The following FGF13 variants were observed in gnomAD, a reference collection of about 807,000 sequenced individuals.
The protein encoded by FGF13 is fibroblast growth factor 13, also known as fibroblast growth factor homologous factor 2.
FGF13 carries 2 observed loss-of-function variants against 19.5 expected under a neutral mutation model. The ratio of observed to expected loss-of-function variants is 0.10; its 90% CI spans 0.04 to 0.32. The LOEUF (loss-of-function observed/expected upper bound fraction) is 0.32, where lower values mean the gene tolerates loss of function less well. FGF13 is among the 10% of genes least tolerant of loss of function. The pLI is 1.00. For missense variants in FGF13, 113 were observed against 192.7 expected (o/e 0.59, Z 2.45); for synonymous variants, 72 against 76.9 (o/e 0.94, Z 0.33).
chrX:138,768,023 A>G (rs2090514680), intron 3 of FGF13, among the ~76,000 whole-genome samples: 1 of 111,932 alleles, frequency 8.9e-6, no homozygotes, highest in Admixed American at 9.5e-5. Flanking sequence ...CAGAAAAGAG[A>G]GCCCCGAAGG....
chrX:138,699,924 C>T (rs769077702), intron 3 of FGF13, among the ~76,000 whole-genome samples: 8 of 111,632 alleles, frequency 7.2e-5, no homozygotes, highest in African/African-American at 2.3e-4. Context: ...TGCTTTTTCC[C>T]GCTTTATTCA....
intron 1 of FGF13, among the ~76,000 whole-genome samples, chrX:139,065,481 C>CAAAAAAAAA (rs767805587): frequency 6.2e-4 from 19 of 30,733 alleles, no homozygotes; most frequent in African/African-American, 2.2e-3. Flanking sequence ...AAACGGAAAG[C>CAAAAAAAAA]AAAAAAAAAA....
intron 3 of FGF13, among the ~76,000 whole-genome samples, chrX:138,652,928 CA>C (rs1259454343): frequency 8.9e-6 from 1 of 112,102 alleles, no homozygotes; most frequent in Non-Finnish European, 1.9e-5. Context: ...TCAGAAATGC[CA>C]ACTCCTTGTA....
At chrX:138,761,748 A>T (rs925514903) in intron 3 of FGF13, among the ~76,000 whole-genome samples, 1 of 111,444 alleles carries the variant, frequency 9.0e-6, no homozygotes, top group Non-Finnish European at 1.9e-5. Flanking sequence ...CCAGCACTGG[A>T]CATTGAGAAC....
chrX:138,995,388 T>C (rs1046617755), intron 1 of FGF13, among the ~76,000 whole-genome samples: 2 of 111,097 alleles, frequency 1.8e-5, no homozygotes, highest in Admixed American at 1.9e-4. Context: ...GTCACAGGGG[T>C]TTGTTGTAGG....
At chrX:138,809,350 G>C (rs749620982) in intron 3 of FGF13, among the ~76,000 whole-genome samples, 2 of 111,867 alleles carry the variant, frequency 1.8e-5, no homozygotes, top group African/African-American at 3.2e-5. Context: ...AAAACCACAT[G>C]ATTATCTCAA....
At chrX:138,768,755 A>ATATATATAT (rs1569388532) in intron 3 of FGF13, among the ~76,000 whole-genome samples, 1 of 102,695 alleles carries the variant, frequency 9.7e-6, no homozygotes, top group African/African-American at 3.6e-5. Flanking sequence ...ATATATATAT[A>ATATATATAT]ATTTCACAAG....
chrX:139,204,264 G>A (rs1603238954), upstream of FGF13: 1 of 507,655 alleles, frequency 2.0e-6, no homozygotes, highest in Non-Finnish European at 3.4e-6. Flanking sequence ...TGCCGCCGCC[G>A]CCGCTGCCTA....
chrX:138,654,655 C>T (rs1013073931), intron 3 of FGF13, among the ~76,000 whole-genome samples: 4 of 111,106 alleles, frequency 3.6e-5, no homozygotes, highest in Admixed American at 1.9e-4. Flanking sequence ...GCAGGAAAAT[C>T]GCTTGAACCC....
At chrX:139,099,841 G>T (rs1486646307) in intron 1 of FGF13, among the ~76,000 whole-genome samples, 1 of 110,900 alleles carries the variant, frequency 9.0e-6, no homozygotes, top group Non-Finnish European at 1.9e-5. Context: ...AACCTTAAAA[G>T]GTGTGAAAAC....
intron 1 of FGF13, among the ~76,000 whole-genome samples, chrX:139,011,789 T>C (rs185352889): frequency 9.0e-6 from 1 of 111,681 alleles, no homozygotes; most frequent in East Asian, 2.8e-4. Flanking sequence ...AATAAAAAGA[T>C]GCTCATTCTC....
rs1419001993 is a variant in FGF13, at chrX:139,028,624, A to G, written c.-112-163974T>C. 9.8e-4 allele frequency among the ~76,000 whole-genome samples: 23 copies of G among 23,414 alleles called. 1 individual carries two copies. The highest frequency in any genetic ancestry group is 2.3e-3 in the Non-Finnish European group (21 of 9,004). 20.3% of individuals were successfully genotyped at this position (23,414 alleles called of 115,157 possible). ...GTGTGTGTGTGTGTGTGTGAGAGAG[A>G]GAGAGAGAGAGTGTGTGTGTGTGTG... is the stretch of plus-strand genomic sequence containing the variant. On this transcript the variant is annotated intron_variant, in intron 1 of 2. Transcript: ENST00000421460.
rs183358261 is a variant in FGF13, at chrX:139,151,614, G to T, written c.-113+51802C>A. Among the ~76,000 whole-genome samples, 4 of 111,153 alleles carry T rather than the reference G, an allele frequency of 3.6e-5. No individual in the cohort carries two copies. The South Asian group carries it at 1.5e-3, about 42-fold the overall frequency. On this transcript the variant is annotated intron_variant, in intron 1 of 2. Coordinates refer to the FGF13 transcript ENST00000421460. Reference sequence around the variant, plus strand: ...TAATTTTTTCAATTACTTTACTTTCGCCGGAAAAAGAGCAGATTTGGATGA... The same window carrying T: ...TAATTTTTTCAATTACTTTACTTTCTCCGGAAAAAGAGCAGATTTGGATGA...
rs1221470952 is a variant in FGF13, at chrX:138,615,373, AT to A, written c.*17476del. 3 of 112,320 alleles carry A rather than the reference AT, an allele frequency of 2.7e-5. No homozygotes were observed. In the East Asian group the frequency reaches 8.4e-4, roughly 31 times the overall value. The allele number at this position is 112,320 out of a possible 1,213,427, so 9.3% of individuals were successfully genotyped here. ...TTTGCATCTTCCTTTGAATCTATAAATATTTCAAAATAAAAGTTTTAAAAGA... is the reference window on the plus strand; with the variant it reads ...TTTGCATCTTCCTTTGAATCTATAAAATTTCAAAATAAAAGTTTTAAAAGA... On this transcript the variant is annotated 3_prime_UTR_variant, in exon 5 of 5. Coordinates refer to ENST00000315930, the MANE Select transcript of FGF13 (RefSeq NM_004114.5).
chrX:139,181,938 G>GA (rs973944548), intron 1 of FGF13, among the ~76,000 whole-genome samples: 3 of 109,919 alleles, frequency 2.7e-5, no homozygotes, highest in African/African-American at 9.9e-5. Flanking sequence ...GTTCTTTACT[G>GA]AAAAAAATTC....
At chrX:138,980,542 C>G (rs998569830) in intron 1 of FGF13, among the ~76,000 whole-genome samples, 6 of 111,683 alleles carry the variant, frequency 5.4e-5, no homozygotes, top group African/African-American at 2.0e-4. Flanking sequence ...TTTGTTCCTG[C>G]AATTAGCTAC....
At chrX:139,005,171 C>T (rs2092095161) in intron 1 of FGF13, among the ~76,000 whole-genome samples, 1 of 93,680 alleles carries the variant, frequency 1.1e-5, no homozygotes, top group African/African-American at 4.1e-5. Context: ...CTGGCGTTGA[C>T]CACAGGGTTG....
chrX:138,643,768 CT>C (rs2089276367), intron 3 of FGF13, among the ~76,000 whole-genome samples: 1 of 111,697 alleles, frequency 9.0e-6, no homozygotes, highest in South Asian at 3.7e-4. Flanking sequence ...AAAAAACCCC[CT>C]ATTAACCTGC....
chrX:138,978,265 G>GTTTT (rs1441688785), intron 1 of FGF13, among the ~76,000 whole-genome samples: 6 of 16,998 alleles, frequency 3.5e-4, no homozygotes, highest in African/African-American at 7.0e-4. Context: ...TAGCTGCCCT[G>GTTTT]GTTTTTTTTT....
Sources: allele counts gnomAD v4.1 joint callset (sites outside exome capture counted in the v4.1 genomes callset), GRCh38; gene constraint gnomAD v4.1.1; transcripts MANE v1.5; gene names NCBI Gene and HGNC (gene_info 2026-07-23, HGNC 2026-07-21).